Variants in CTNNA2 observed in about 807,000 individuals in gnomAD.
The protein encoded by CTNNA2 is catenin alpha-2.
In CTNNA2, 42 loss-of-function variants were observed where a neutral mutation model predicts 101.0. That is an observed-to-expected ratio of 0.42 (90% CI 0.32 to 0.54). The LOEUF is 0.54. Among genes scored for constraint, CTNNA2 ranks in the 20% least tolerant of loss-of-function variants. The pLI is 0.14. For synonymous variants in CTNNA2, 450 were observed against 456.4 expected (o/e 0.99, Z 0.18); for missense variants, 871 against 1,223.1 (o/e 0.71, Z 4.29).
intron 7 of CTNNA2, among the ~76,000 whole-genome samples, chr2:79,978,810 C>G (rs959623172): frequency 6.6e-6 from 1 of 152,092 alleles, no homozygotes; most frequent in East Asian, 1.9e-4. Context: ...TCATAATCTT[C>G]CATTAACAAT....
At chr2:80,122,565 G>T (rs1045166956) in intron 7 of CTNNA2, among the ~76,000 whole-genome samples, 3 of 152,036 alleles carry the variant, frequency 2.0e-5, no homozygotes, top group African/African-American at 4.8e-5. Flanking sequence ...TCTGTTTTAC[G>T]TATTGGTTTT....
chr2:79,677,267 G>A (rs192216936), intron 2 of CTNNA2, among the ~76,000 whole-genome samples: 1 of 152,264 alleles, frequency 6.6e-6, no homozygotes, highest in African/African-American at 2.4e-5. Flanking sequence ...TAAAGTCCCT[G>A]CCTTCCTTCA....
chr2:80,499,565 G>A (rs145804711), intron 9 of CTNNA2, among the ~76,000 whole-genome samples: 2,611 of 152,082 alleles, frequency 0.017, 39 homozygotes, highest in Admixed American at 0.047. Context: ...GTTCATGCCT[G>A]TAATCCCAGC....
intron 3 of CTNNA2, among the ~76,000 whole-genome samples, chr2:79,333,137 G>A (rs1676913546): frequency 6.6e-6 from 1 of 152,118 alleles, no homozygotes; most frequent in Admixed American, 6.6e-5. Context: ...TTGTTATACA[G>A]GGAGCAAACA....
chr2:79,554,288 G>C (rs1000517320), intron 1 of CTNNA2, among the ~76,000 whole-genome samples: 2 of 151,922 alleles, frequency 1.3e-5, no homozygotes, highest in African/African-American at 4.8e-5. Context: ...TCTACATATT[G>C]AGGTAAATTA....
At chr2:79,665,011 C>T (rs1001262663) in intron 2 of CTNNA2, among the ~76,000 whole-genome samples, 4 of 152,162 alleles carry the variant, frequency 2.6e-5, no homozygotes, top group South Asian at 4.1e-4. Context: ...GTTCCCGGCC[C>T]ACATTCTTCT....
At chr2:79,457,934 C>T (rs1670843038) in intron 4 of CTNNA2, among the ~76,000 whole-genome samples, 1 of 152,150 alleles carries the variant, frequency 6.6e-6, no homozygotes, top group Non-Finnish European at 1.5e-5. Flanking sequence ...TCTCTCTAGC[C>T]ACTGCTGGCA....
chr2:79,233,805 C>T (rs1674524850), intron 2 of CTNNA2, among the ~76,000 whole-genome samples: 1 of 151,806 alleles, frequency 6.6e-6, no homozygotes, highest in African/African-American at 2.4e-5. Context: ...TTATGTACAG[C>T]CATTGTTTCT....
rs1673865000 is a variant in CTNNA2, at chr2:79,191,173, C to G, written c.-524+5742C>G. Reference sequence around the variant, plus strand: ...AGTGTGGGACTGGGCGGGAAATGAGCTGCAAGTGCTGTTGCAGATTCACAG... The same window carrying G: ...AGTGTGGGACTGGGCGGGAAATGAGGTGCAAGTGCTGTTGCAGATTCACAG... On this transcript the variant is annotated intron_variant, in intron 1 of 21. Coordinates refer to the CTNNA2 transcript ENST00000466387. Among the ~76,000 whole-genome samples the G allele has an allele frequency of 5.3e-5, 8 of 152,304 alleles. No homozygotes were observed. In the South Asian group the frequency reaches 1.7e-3, roughly 32 times the overall value.
chr2:79,572,523 G>A (rs965092502), intron 1 of CTNNA2, among the ~76,000 whole-genome samples: 1 of 152,062 alleles, frequency 6.6e-6, no homozygotes, highest in South Asian at 2.1e-4. Context: ...AGGCCGAGGC[G>A]GGCAGATCAC....
intron 3 of CTNNA2, among the ~76,000 whole-genome samples, chr2:79,334,998 C>T (rs79738093): frequency 3.6e-4 from 55 of 152,232 alleles, no homozygotes; most frequent in Middle Eastern, 3.4e-3. Context: ...CCTCCCCCAC[C>T]GCCCATGCAC....
chr2:79,465,226 T>C (rs1381806557), intron 4 of CTNNA2, among the ~76,000 whole-genome samples: 4 of 152,338 alleles, frequency 2.6e-5, no homozygotes, highest in Admixed American at 2.6e-4. Flanking sequence ...CCCAGTACCA[T>C]TTATTAAATA....
At chr2:80,074,172 T>C (rs1698533354) in intron 7 of CTNNA2, among the ~76,000 whole-genome samples, 1 of 152,144 alleles carries the variant, frequency 6.6e-6, no homozygotes, top group Non-Finnish European at 1.5e-5. Context: ...TTTAGCAACA[T>C]GATGTATGGC....
chr2:79,707,896 T>C (rs907754046), intron 2 of CTNNA2, among the ~76,000 whole-genome samples: 3 of 152,192 alleles, frequency 2.0e-5, no homozygotes, highest in East Asian at 3.9e-4. Context: ...GAACTCTAGA[T>C]ACCCTGATCC....
intron 9 of CTNNA2, among the ~76,000 whole-genome samples, chr2:80,530,192 A>G (rs370255662): frequency 4.8e-4 from 73 of 152,260 alleles, no homozygotes; most frequent in African/African-American, 1.7e-3. Context: ...CCTTTCTGAG[A>G]GGGCGTGAAA....
At chr2:79,745,863 A>G (rs893612331) in intron 3 of CTNNA2, among the ~76,000 whole-genome samples, 6 of 152,212 alleles carry the variant, frequency 3.9e-5, no homozygotes, top group African/African-American at 9.7e-5. Context: ...TGCTATGAAC[A>G]TAGAGGTAAA....
chr2:79,835,878 G>A (rs533971483), intron 3 of CTNNA2, among the ~76,000 whole-genome samples: 6 of 151,640 alleles, frequency 4.0e-5, no homozygotes, highest in African/African-American at 7.3e-5. Context: ...TGATCCACCT[G>A]CCTCGGCATC....
rs145934776 is a variant in CTNNA2, at chr2:79,322,866, C to T, written c.-318+10070C>T. 1.0e-3 allele frequency among the ~76,000 whole-genome samples: 156 copies of T among 152,302 alleles called. 2 individuals carry two copies. The highest frequency in any genetic ancestry group is 3.6e-3 in the African/African-American group (151 of 41,544). On this transcript the variant is annotated intron_variant, in intron 3 of 21. Transcript: ENST00000466387. ...CCAGTCAAACGGTCTTTCCACCTCACCAACCTCAGCTCGCCCATTTCCCTG... is the reference window on the plus strand; with the variant it reads ...CCAGTCAAACGGTCTTTCCACCTCATCAACCTCAGCTCGCCCATTTCCCTG...
At chr2:79,793,410 T>A (rs1675436780) in intron 3 of CTNNA2, among the ~76,000 whole-genome samples, 1 of 152,206 alleles carries the variant, frequency 6.6e-6, no homozygotes, top group South Asian at 2.1e-4. Flanking sequence ...TGAGGGTACC[T>A]GAGCCACAGG....
Sources: gnomAD v4.1 joint callset for allele counts (sites outside exome capture counted in the v4.1 genomes callset) on GRCh38, gnomAD v4.1.1 for gene constraint, MANE v1.5 for transcripts, NCBI Gene and HGNC (gene_info 2026-07-23, HGNC 2026-07-21) for gene names.